The following SCARA3 variants were observed in gnomAD, a reference collection of about 807,000 sequenced individuals.
SCARA3 encodes cellular stress response gene protein.
SCARA3 carries 39 observed loss-of-function variants against 47.0 expected under a neutral mutation model. The ratio of observed to expected loss-of-function variants is 0.83; its 90% CI spans 0.64 to 1.08. The LOEUF (loss-of-function observed/expected upper bound fraction) is 1.08. Among genes scored for constraint, SCARA3 ranks in the 50% least tolerant of loss-of-function variants. SCARA3 has a pLI of 0.00. For missense variants in SCARA3, 724 were observed against 792.3 expected, an observed-to-expected ratio of 0.91 and a Z score of 1.04; for synonymous variants, 356 against 334.1, an observed-to-expected ratio of 1.07 and a Z score of -0.71.
the SCARA3 span, among the ~76,000 whole-genome samples, chr8:27,730,017 G>A: frequency 6.6e-6 from 1 of 152,086 alleles, no homozygotes; most frequent in Admixed American, 6.5e-5. Context: ...CAGGCTGGGC[G>A]TGGGGAGAGG....
In SCARA3 at chr8:27,634,163, T is replaced by C; in HGVS notation, c.-38T>C. 6.9e-7 allele frequency: 1 copy of C among 1,449,868 alleles called. No homozygotes were observed. Among genetic ancestry groups the C allele is most frequent in the Non-Finnish European group, 9.0e-7 (1 of 1,105,594 alleles). The allele number at this position is 1,449,868 out of a possible 1,614,324, so 89.8% of individuals were successfully genotyped here. A position where few individuals can be genotyped will look rare whatever the true frequency, so the allele number is the denominator to read the frequency against. ...CGGCTCCACTACAGCTCCAGCCGCCTGCAGCGGGGCCCTCCTGAGGCCCCA... is the reference window on the plus strand; with the variant it reads ...CGGCTCCACTACAGCTCCAGCCGCCCGCAGCGGGGCCCTCCTGAGGCCCCA... On this transcript the variant is annotated 5_prime_UTR_variant, in exon 1 of 6. Transcript: ENST00000301904.
downstream of SCARA3, chr8:27,679,832 G>A (rs1366725258): frequency 6.6e-6 from 1 of 152,156 alleles, no homozygotes; most frequent in African/African-American, 2.4e-5. Context: ...AAATCCACAA[G>A]TACCTGTTAC....
the SCARA3 span, among the ~76,000 whole-genome samples, chr8:27,709,599 C>A: frequency 2.6e-5 from 4 of 152,172 alleles, no homozygotes; most frequent in African/African-American, 9.7e-5. Flanking sequence ...TTCAACTGCT[C>A]ACCCTCAAAT....
intron 1 of SCARA3, among the ~76,000 whole-genome samples, chr8:27,645,436 A>G (rs1363131671): frequency 6.6e-6 from 1 of 152,256 alleles, no homozygotes; most frequent in Non-Finnish European, 1.5e-5. Context: ...TGACCTGTCA[A>G]CAGATATCAG....
At chr8:27,713,527 T>C in the SCARA3 span, among the ~76,000 whole-genome samples, 1 of 150,274 alleles carries the variant, frequency 6.7e-6, no homozygotes. Flanking sequence ...TTCATCGGTA[T>C]GTACTCATGG....
At chr8:27,647,458 A>G (rs1801530106) in intron 1 of SCARA3, among the ~76,000 whole-genome samples, 1 of 152,326 alleles carries the variant, frequency 6.6e-6, no homozygotes, top group African/African-American at 2.4e-5. Flanking sequence ...ACAGGCAGGC[A>G]TAGAACTGCT....
At chr8:27,681,386 A>C (rs1455891030), downstream of SCARA3, among the ~76,000 whole-genome samples, 2 of 152,228 alleles carry the variant, frequency 1.3e-5, no homozygotes, top group African/African-American at 2.4e-5. Context: ...ATCAGCAAAG[A>C]ACATAAAATA....
the SCARA3 span, among the ~76,000 whole-genome samples, chr8:27,685,375 A>G: frequency 0.082 from 12,501 of 152,208 alleles, 1,776 homozygotes; most frequent in African/African-American, 0.28. Flanking sequence ...CTACCAAAAC[A>G]CTCAAAGAAG....
At chr8:27,721,902 C>T in the SCARA3 span, among the ~76,000 whole-genome samples, 8 of 152,130 alleles carry the variant, frequency 5.3e-5, no homozygotes, top group East Asian at 1.9e-4. Flanking sequence ...GGCAATGTAG[C>T]GAGATGCCGT....
At chr8:27,658,139 A>T (rs1231144631) in intron 4 of SCARA3, among the ~76,000 whole-genome samples, 1 of 152,172 alleles carries the variant, frequency 6.6e-6, no homozygotes, top group Non-Finnish European at 1.5e-5. Context: ...TTTTGAGAGG[A>T]TTGAATAAGA....
chr8:27,703,182 C>T, the SCARA3 span: 162 of 152,880 alleles, frequency 1.1e-3, no homozygotes, highest in East Asian at 0.021. Flanking sequence ...CTGAGCCGCA[C>T]AGGAGAGGAG....
the SCARA3 span, among the ~76,000 whole-genome samples, chr8:27,714,256 C>T: frequency 8.3e-5 from 11 of 132,726 alleles, no homozygotes; most frequent in East Asian, 6.7e-4. Context: ...GGTGCAGTGG[C>T]GCAATCTTAG....
chr8:27,683,197 G>A, the SCARA3 span, among the ~76,000 whole-genome samples: 1 of 152,100 alleles, frequency 6.6e-6, no homozygotes, highest in Non-Finnish European at 1.5e-5. Flanking sequence ...GGTACATCAT[G>A]TGTAATTCCA....
At chr8:27,663,466 C>T (rs1801954690) in intron 5 of SCARA3, among the ~76,000 whole-genome samples, 1 of 152,226 alleles carries the variant, frequency 6.6e-6, no homozygotes, top group Admixed American at 6.5e-5. Context: ...AGCGCCTGCT[C>T]AGGCCAGATC....
chr8:27,638,985 G>A (rs1022529259), intron 1 of SCARA3, among the ~76,000 whole-genome samples: 11 of 152,182 alleles, frequency 7.2e-5, no homozygotes, highest in Admixed American at 5.2e-4. Context: ...GATGTGACAT[G>A]TGGGAGCTGG....
the SCARA3 span, among the ~76,000 whole-genome samples, chr8:27,704,687 A>G: frequency 1.3e-4 from 19 of 151,510 alleles, no homozygotes; most frequent in East Asian, 3.3e-3. Context: ...TTAGTTGGTT[A>G]CTAACAGCAT....
intron 4 of SCARA3, among the ~76,000 whole-genome samples, chr8:27,658,047 T>A (rs1801780145): frequency 6.6e-6 from 1 of 152,202 alleles, no homozygotes; most frequent in African/African-American, 2.4e-5. Context: ...AATAGAAGGT[T>A]CTGGTCTGGC....
At chr8:27,683,529 A>G in the SCARA3 span, among the ~76,000 whole-genome samples, 1 of 152,216 alleles carries the variant, frequency 6.6e-6, no homozygotes, top group South Asian at 2.1e-4. Flanking sequence ...ATAAAAAGTC[A>G]AATATTAGGA....
intron 1 of SCARA3, among the ~76,000 whole-genome samples, chr8:27,646,520 G>C (rs1433202766): frequency 6.6e-6 from 1 of 152,150 alleles, no homozygotes; most frequent in African/African-American, 2.4e-5. Flanking sequence ...GCCCAGTCAC[G>C]GGGGAGGGCA....
Sources: allele counts gnomAD v4.1 joint callset (sites outside exome capture counted in the v4.1 genomes callset), GRCh38; gene constraint gnomAD v4.1.1; transcripts MANE v1.5; gene names NCBI Gene and HGNC (gene_info 2026-07-23, HGNC 2026-07-21).